Variants in PEX14 observed in about 807,000 individuals in gnomAD.
The protein encoded by PEX14 is peroxisomal biogenesis factor 14, also known as peroxisomal membrane protein PEX14.
A neutral mutation model predicts 49.5 loss-of-function variants in PEX14; 15 were observed. That is an observed-to-expected ratio of 0.30 (90% CI 0.20 to 0.47). PEX14 has a LOEUF of 0.47. Ranked by LOEUF, PEX14 falls within the 20% of genes least tolerant of loss-of-function variation. The probability of loss-of-function intolerance (pLI) is 1.00; values close to 1 mark genes in which losing one functional copy is unlikely to be tolerated. For synonymous variants in PEX14, 210 were observed against 212.7 expected (o/e 0.99, Z 0.11); for missense variants, 398 against 494.8 (o/e 0.80, Z 1.86).
chr1:10,607,948 C>T (rs1043147137), intron 4 of PEX14, among the ~76,000 whole-genome samples: 1 of 152,042 alleles, frequency 6.6e-6, no homozygotes, highest in African/African-American at 2.4e-5. Context: ...TTTGTCTATT[C>T]CAAGGTTGAA....
At chr1:10,565,014 C>T (rs928514370) in intron 3 of PEX14, among the ~76,000 whole-genome samples, 2 of 148,900 alleles carry the variant, frequency 1.3e-5, no homozygotes, top group East Asian at 4.0e-4. Flanking sequence ...AGTGATTCTT[C>T]TGCCTCAGCC....
At chr1:10,544,648 C>G (rs1639114713) in intron 3 of PEX14, among the ~76,000 whole-genome samples, 1 of 152,192 alleles carries the variant, frequency 6.6e-6, no homozygotes, top group African/African-American at 2.4e-5. Flanking sequence ...CCAGCATCCC[C>G]AAAAGTTTCC....
rs59926174 is a variant in PEX14, at chr1:10,620,291, CAATAAAATAA to C, written c.384+1906_384+1915del. On this transcript the variant is annotated intron_variant, in intron 5 of 8. Coordinates refer to ENST00000356607, the MANE Select transcript of PEX14 (RefSeq NM_004565.3). ...ATGGTGAAACTGTGTCTCTACCAAA[CAATAAAATAA>C]AATAAAATAAAATAAAATAAAATAA... Among the ~76,000 whole-genome samples, 421 of 142,376 alleles carry C rather than the reference CAATAAAATAA, an allele frequency of 3.0e-3. 1 individual carries two copies. Among genetic ancestry groups the C allele is most frequent in the African/African-American group, 8.1e-3 (307 of 37,724 alleles). The allele number at this position is 142,376 out of a possible 152,430, so 93.4% of individuals were successfully genotyped here.
chr1:10,615,639 G>C (rs922017040), intron 4 of PEX14, among the ~76,000 whole-genome samples: 1 of 152,252 alleles, frequency 6.6e-6, no homozygotes, highest in Non-Finnish European at 1.5e-5. Context: ...CCCTCTGGGG[G>C]TTCTGAGGCT....
intron 2 of PEX14, among the ~76,000 whole-genome samples, chr1:10,534,787 C>G (rs1427116624): frequency 6.6e-6 from 1 of 152,126 alleles, no homozygotes; most frequent in East Asian, 1.9e-4. Context: ...AGTCAAGATA[C>G]TGAGTTCATC....
chr1:10,548,195 T>G (rs1639230590), intron 3 of PEX14, among the ~76,000 whole-genome samples: 1 of 152,152 alleles, frequency 6.6e-6, no homozygotes, highest in African/African-American at 2.4e-5. Flanking sequence ...CCAGCCTGGG[T>G]GACAGAGTGA....
At chr1:10,599,125 C>A in intron 3 of PEX14, 113 bp from the exon 4 acceptor site, 1 of 1,093,850 alleles carries the variant, frequency 9.1e-7, no homozygotes, top group Non-Finnish European at 1.4e-6. Flanking sequence ...AGGCAACTTA[C>A]TAGGATGCGA....
At chr1:10,608,038 G>A (rs528580841) in intron 4 of PEX14, among the ~76,000 whole-genome samples, 95 of 152,238 alleles carry the variant, frequency 6.2e-4, no homozygotes, top group Admixed American at 6.2e-3. Flanking sequence ...CCTGATGTTG[G>A]CTCACTGCAA....
chr1:10,505,398 A>C (rs1641764192), intron 2 of PEX14, among the ~76,000 whole-genome samples: 2 of 152,176 alleles, frequency 1.3e-5, no homozygotes. Flanking sequence ...TCAACCCAGG[A>C]GATTGTGATT....
chr1:10,577,419 A>AAAC (rs1277840540), intron 3 of PEX14, among the ~76,000 whole-genome samples: 1 of 144,182 alleles, frequency 6.9e-6, no homozygotes, highest in African/African-American at 2.6e-5. Context: ...CCAAAAAAAA[A>AAAC]AAACCAAAAA....
At chr1:10,509,990 T>C (rs2124433925) in intron 2 of PEX14, among the ~76,000 whole-genome samples, 1 of 152,330 alleles carries the variant, frequency 6.6e-6, no homozygotes, top group South Asian at 2.1e-4. Context: ...AGATAATTGG[T>C]AGCTCCATCA....
At chr1:10,510,090 C>T (rs1181432430) in intron 2 of PEX14, among the ~76,000 whole-genome samples, 1 of 152,154 alleles carries the variant, frequency 6.6e-6, no homozygotes, top group Admixed American at 6.5e-5. Flanking sequence ...GTGAGTTATT[C>T]TCTACCTGCC....
rs994547782 is a variant in PEX14, at chr1:10,512,184, T to C, written c.84+16863T>C. Among the ~76,000 whole-genome samples, 1 of 152,178 alleles carries C rather than the reference T, an allele frequency of 6.6e-6. No individual in the cohort carries two copies. The highest frequency in any genetic ancestry group is 1.9e-4 in the East Asian group (1 of 5,200). On this transcript the variant is annotated intron_variant, in intron 2 of 8. Transcript: ENST00000356607. The surrounding 1 kb of genome is among the most constrained non-coding windows in gnomAD (Gnocchi z 4.6). ...CATGTTAGCCAGGATGGTCTCGACCTCCTGACCTCGTGATCTGCCCTCCTC... is the reference window on the plus strand; with the variant it reads ...CATGTTAGCCAGGATGGTCTCGACCCCCTGACCTCGTGATCTGCCCTCCTC...
intron 2 of PEX14, among the ~76,000 whole-genome samples, chr1:10,523,387 AT>A (rs2124458826): frequency 6.6e-6 from 1 of 151,742 alleles, no homozygotes; most frequent in East Asian, 1.9e-4. Flanking sequence ...CTTTTTTTGA[AT>A]TGGGTGTCAG....
intron 3 of PEX14, among the ~76,000 whole-genome samples, chr1:10,563,696 G>A (rs924786480): frequency 6.6e-6 from 1 of 151,996 alleles, no homozygotes; most frequent in Non-Finnish European, 1.5e-5. Flanking sequence ...AGGCCGAGGC[G>A]GGTGTATCAC....
At chr1:10,520,723 T>C (rs751928925) in intron 2 of PEX14, among the ~76,000 whole-genome samples, 5 of 152,322 alleles carry the variant, frequency 3.3e-5, no homozygotes, top group Middle Eastern at 3.4e-3. Flanking sequence ...AAAATAGAGC[T>C]TCATTTTTCT....
chr1:10,613,035 C>G lies in PEX14; in HGVS notation c.299-5297C>G, dbSNP rs559754729. On this transcript the variant is annotated intron_variant, in intron 4 of 8. Coordinates refer to ENST00000356607, the MANE Select transcript of PEX14 (RefSeq NM_004565.3). The surrounding 1 kb of genome is among the most constrained non-coding windows in gnomAD (Gnocchi z 5.0). Reference sequence around the variant, plus strand: ...AGCACATCACTGGAGTGCCTGTTGTCTCGGCAGGATGGTTCCGTGACAGCT... The same window carrying G: ...AGCACATCACTGGAGTGCCTGTTGTGTCGGCAGGATGGTTCCGTGACAGCT... Among the ~76,000 whole-genome samples, 27 of 152,338 alleles carry G rather than the reference C, an allele frequency of 1.8e-4. No individual in the cohort carries two copies. The highest frequency in any genetic ancestry group is 3.4e-3 in the Middle Eastern group (1 of 294).
chr1:10,547,846 A>G (rs1370322643), intron 3 of PEX14, among the ~76,000 whole-genome samples: 1 of 152,112 alleles, frequency 6.6e-6, no homozygotes, highest in Non-Finnish European at 1.5e-5. Flanking sequence ...AGCAACTGTA[A>G]TGATATACTT....
chr1:10,577,565 T>A (rs1317378012), intron 3 of PEX14, among the ~76,000 whole-genome samples: 1 of 2,160 alleles, frequency 4.6e-4, no homozygotes, highest in Non-Finnish European at 9.4e-4. Context: ...TATATATATT[T>A]TTTTTTTTTT....
Sources: allele counts gnomAD v4.1 joint callset (sites outside exome capture counted in the v4.1 genomes callset), GRCh38; gene constraint gnomAD v4.1.1; non-coding constraint Gnocchi (gnomAD v3.1); transcripts MANE v1.5; gene names NCBI Gene and HGNC (gene_info 2026-07-23, HGNC 2026-07-21).